The following SCYL2 variants were observed in gnomAD, a reference collection of about 807,000 sequenced individuals.
SCYL2 encodes the protein SCY1-like protein 2.
SCYL2 carries 36 observed loss-of-function variants against 100.4 expected under a neutral mutation model. That is an observed-to-expected ratio of 0.36 (90% confidence interval 0.27 to 0.47). SCYL2 has a LOEUF of 0.47. Ranked by LOEUF, SCYL2 falls within the 20% of genes least tolerant of loss-of-function variation. The probability of loss-of-function intolerance (pLI) is 1.00; values close to 1 mark genes in which losing one functional copy is unlikely to be tolerated. For synonymous variants in SCYL2, 330 were observed against 359.2 expected, an observed-to-expected ratio of 0.92 and a Z score of 0.92; for missense variants, 902 against 1,083.9, an observed-to-expected ratio of 0.83 and a Z score of 2.36.
At chr12:100,282,743 C>T (rs188975540) in intron 1 of SCYL2, among the ~76,000 whole-genome samples, 200 bp from the exon 2 acceptor site, 147 of 152,246 alleles carry the variant, frequency 9.7e-4, no homozygotes, top group Non-Finnish European at 1.7e-3. Flanking sequence ...GAGGTTGAAA[C>T]GAGCAGTTTG....
chr12:100,275,410 G>A (rs2096291529), intron 1 of SCYL2, among the ~76,000 whole-genome samples: 1 of 152,114 alleles, frequency 6.6e-6, no homozygotes. Context: ...TACCCAGGCT[G>A]ATCTCAAACT....
intron 10 of SCYL2, 148 bp downstream of exon 10, chr12:100,318,073 G>C: frequency 2.9e-6 from 2 of 700,396 alleles, no homozygotes; most frequent in Non-Finnish European, 4.3e-6. Flanking sequence ...TTGATATACT[G>C]TAACTAAAAT....
At chr12:100,294,048 C>T (rs1224052204) in intron 3 of SCYL2, among the ~76,000 whole-genome samples, 46 of 151,452 alleles carry the variant, frequency 3.0e-4, no homozygotes, top group African/African-American at 1.1e-3. Flanking sequence ...GTTGGGCACA[C>T]CTCCCAGACG....
At chr12:100,299,598 AT>A (rs1157447700) in intron 4 of SCYL2, among the ~76,000 whole-genome samples, 1 of 152,126 alleles carries the variant, frequency 6.6e-6, no homozygotes, top group Non-Finnish European at 1.5e-5. Context: ...ATTTTCTAGA[AT>A]TTTATAAGTG....
intron 1 of SCYL2, 21 bp downstream of exon 1, chr12:100,267,813 TC>T (rs1174186985): frequency 2.0e-5 from 3 of 152,120 alleles, no homozygotes; most frequent in Non-Finnish European, 4.4e-5. Context: ...TCACCTCAGT[TC>T]TGAGGTCCGG....
In SCYL2 at chr12:100,334,278, G is replaced by A. The variant is rs575466020; in HGVS notation, c.1862+12G>A. 5.6e-6 allele frequency: 8 copies of A among 1,436,858 alleles called. No individual in the cohort carries two copies. In the African/African-American group the frequency reaches 8.4e-5, roughly 15 times the overall value. The allele number at this position is 1,436,858 out of a possible 1,614,324, so 89.0% of individuals were successfully genotyped here. On this transcript the variant is annotated intron_variant, in intron 14 of 17. Transcript: ENST00000360820. ...CAAGAACAGCAGAAGTAAGTAGGTT[G>A]CACATGAATTATATGTGGTCCGGGA...
At chr12:100,312,054 T>C (rs1273885696) in intron 5 of SCYL2, among the ~76,000 whole-genome samples, 1 of 152,236 alleles carries the variant, frequency 6.6e-6, no homozygotes, top group Non-Finnish European at 1.5e-5. Context: ...TACTACAATC[T>C]TTTGAACTTT....
At position 100,291,575 on chromosome 12, in the gene SCYL2, G is replaced by T. The variant is rs1313276320; in HGVS notation, c.250G>T (p.Asp84Tyr). 1 of 1,598,304 alleles carries T rather than the reference G, an allele frequency of 6.3e-7. No individual in the cohort carries two copies. Among genetic ancestry groups the T allele is most frequent in the Admixed American group, 1.8e-5 (1 of 56,988 alleles). The change falls in exon 3 of 18, where the codon GAT becomes TAT. Residue 84 changes from aspartate (D) to tyrosine (Y), a missense_variant. Transcript: ENST00000360820. ...AAAATTTGAAAAGGATCAAATCATT[G>T]ATTCTCTAAAACGAGGAGTCCAACA... Reference protein sequence around the residue: ...YQKFEKDQIIDSLKRGVQQLT... With the variant: ...YQKFEKDQIIYSLKRGVQQLT...
chr12:100,327,122 G>A lies in SCYL2; in HGVS notation c.1642+368G>A, dbSNP rs184288581. 2.7e-5 allele frequency: 9 copies of A among 329,404 alleles called. 1 individual carries two copies. Among genetic ancestry groups the A allele is most frequent in the South Asian group, 7.4e-5 (3 of 40,656 alleles). 20.4% of individuals were successfully genotyped at this position (329,404 alleles called of 1,614,324 possible). ...GTAAGAGGCAAAGTATTTTCTCTGC[G>A]TTATGTTATTTTATTCTTCCCCAAA... On this transcript the variant is annotated intron_variant, in intron 12 of 17. Coordinates refer to ENST00000360820, the MANE Select transcript of SCYL2 (RefSeq NM_017988.6).
At chr12:100,336,768 T>G (rs1198403508) in intron 16 of SCYL2, among the ~76,000 whole-genome samples, 1 of 152,174 alleles carries the variant, frequency 6.6e-6, no homozygotes, top group East Asian at 1.9e-4. Flanking sequence ...TAGGATACTT[T>G]TCTCTTGGTT....
In SCYL2 at chr12:100,334,198, G is replaced by T; in HGVS notation, c.1794G>T (p.Met598Ile). 6.2e-7 allele frequency: 1 copy of T among 1,603,668 alleles called. No homozygotes were observed. The part of the protein sequence containing the change: ...FNSFISVIKE[M>I]LNRLESEHKT... ...CTTTCATTTCCGTCATAAAAGAAAT[G>T]CTTAATAGATTGGAGTCTGAACATA... Residue 598 changes from methionine (M) to isoleucine (I), a missense_variant, in exon 14 of 18, where the codon ATG becomes ATT. Physicochemically the swap from Met to Ile is conservative, Grantham distance 10. Coordinates refer to ENST00000360820, the MANE Select transcript of SCYL2 (RefSeq NM_017988.6).
chr12:100,283,295 C>T, intron 2 of SCYL2, 148 bp downstream of exon 2: 2 of 631,652 alleles, frequency 3.2e-6, no homozygotes, highest in Non-Finnish European at 5.3e-6. Context: ...CTTATTAAGT[C>T]ATACAAAAAA....
intron 12 of SCYL2, among the ~76,000 whole-genome samples, chr12:100,327,390 T>C (rs1273761446): frequency 6.6e-6 from 1 of 152,198 alleles, no homozygotes; most frequent in Non-Finnish European, 1.5e-5. Flanking sequence ...CATTTATATA[T>C]AGTTAAAGTT....
intron 4 of SCYL2, among the ~76,000 whole-genome samples, chr12:100,306,873 A>T (rs756932972): frequency 6.6e-6 from 1 of 152,248 alleles, no homozygotes; most frequent in African/African-American, 2.4e-5. Flanking sequence ...GAGCCAAATC[A>T]TAAGTGAACT....
chr12:100,318,537 G>A (rs1052911587), intron 10 of SCYL2, among the ~76,000 whole-genome samples: 3 of 151,996 alleles, frequency 2.0e-5, no homozygotes, highest in African/African-American at 4.8e-5. Context: ...TCGCCATTTT[G>A]GCCAGGCTGG....
chr12:100,292,541 C>A (rs2096311810), intron 3 of SCYL2, among the ~76,000 whole-genome samples: 1 of 152,116 alleles, frequency 6.6e-6, no homozygotes, highest in Non-Finnish European at 1.5e-5. Context: ...ACGTTGGAAT[C>A]CTCAATAACC....
chr12:100,271,118 A>G (rs2096287150), intron 1 of SCYL2, among the ~76,000 whole-genome samples: 1 of 152,136 alleles, frequency 6.6e-6, no homozygotes, highest in Non-Finnish European at 1.5e-5. Context: ...AACAAAGAAG[A>G]GCATTATCCA....
intron 4 of SCYL2, among the ~76,000 whole-genome samples, chr12:100,303,838 G>A (rs530820505): frequency 4.4e-4 from 67 of 152,300 alleles, no homozygotes; most frequent in Middle Eastern, 6.8e-3. Flanking sequence ...GAATGTTTAA[G>A]TCTCCTGAAG....
Position 100,341,386 on chromosome 12 carries a change from A to G in SCYL2, c.*2214A>G, listed in dbSNP as rs1387482820. 6.6e-6 allele frequency: 1 copy of G among 152,192 alleles called. No individual in the cohort carries two copies. Among genetic ancestry groups the G allele is most frequent in the African/African-American group, 2.4e-5 (1 of 41,458 alleles). The allele number at this position is 152,192 out of a possible 1,614,324, so 9.4% of individuals were successfully genotyped here. On this transcript the variant is annotated 3_prime_UTR_variant, in exon 18 of 18. Coordinates refer to ENST00000360820, the MANE Select transcript of SCYL2 (RefSeq NM_017988.6). The stretch of plus-strand genomic sequence containing the variant: ...GTTATGTTTAGAGTAGAAAATGTTT[A>G]GGTTAAAGAGCATCTGTCAACAGAA...
Sources: gnomAD v4.1 joint callset for allele counts (sites outside exome capture counted in the v4.1 genomes callset) on GRCh38, gnomAD v4.1.1 for gene constraint, MANE v1.5 for transcripts, NCBI Gene and HGNC (gene_info 2026-07-23, HGNC 2026-07-21) for gene names.